The following SSUH2 variants were observed in gnomAD, a reference collection of about 807,000 sequenced individuals.
SSUH2 encodes ssu-2 homolog, also known as protein SSUH2 homolog.
A neutral mutation model predicts 55.3 loss-of-function variants in SSUH2; 47 were observed. The observed-to-expected ratio is 0.85, with a 90% CI of 0.67 to 1.08. The LOEUF (loss-of-function observed/expected upper bound fraction) is 1.08. Ranked by LOEUF, SSUH2 falls within the 50% of genes least tolerant of loss-of-function variation. The pLI is 0.00. For synonymous variants in SSUH2, 212 were observed against 191.5 expected (o/e 1.11, Z -0.89); for missense variants, 535 against 490.7 (o/e 1.09, Z -0.85).
Position 8,630,851 on chromosome 3 carries a change from T to C in SSUH2, c.479A>G (p.Gln160Arg). The C allele has an allele frequency of 1.3e-6, 2 of 1,508,014 alleles. No individual in the cohort carries two copies. Among genetic ancestry groups the C allele is most frequent in the Middle Eastern group, 1.7e-4 (1 of 5,724 alleles). The allele number at this position is 1,508,014 out of a possible 1,614,324, so 93.4% of individuals were successfully genotyped here. The change falls in exon 6 of 12, where the codon CAG becomes CGG. Residue 160 changes from glutamine (Q) to arginine (R), a missense_variant. Transcript: ENST00000544814. ...GACCTGGAACTTCCTGGTGTCTTCC[T>C]GAAACATCGGAGGACCTTGAACCTT... ...DIKVQGPPMFQEDTRKFQVPH... is the reference protein window; with the variant it reads ...DIKVQGPPMFREDTRKFQVPH...
intron 7 of SSUH2, among the ~76,000 whole-genome samples, chr3:8,655,746 A>G (rs1439773178): frequency 6.6e-6 from 1 of 152,244 alleles, no homozygotes; most frequent in Non-Finnish European, 1.5e-5. Context: ...TCCTTTGTTC[A>G]GAGCCAATCA....
In SSUH2 at chr3:8,677,119, C is replaced by A. The variant is rs531014494; in HGVS notation, c.-753+87G>T. ...CCCCATCGCAGCGGGGAGAGATACC[C>A]CCCGCGAGGCAGGGACTGAGAGCCA... is the stretch of plus-strand genomic sequence containing the variant. On this transcript the variant is annotated intron_variant, in intron 3 of 18. Transcript: ENST00000317371. The A allele has an allele frequency of 3.9e-3, 593 of 151,432 alleles. 22 individuals are homozygous for A. Among genetic ancestry groups the A allele is most frequent in the African/African-American group, 0.014 (559 of 41,036 alleles). The allele number at this position is 151,432 out of a possible 1,614,324, so 9.4% of individuals were successfully genotyped here. A position where few individuals can be genotyped will look rare whatever the true frequency, so the allele number is the denominator to read the frequency against.
chr3:8,631,915 G>C lies in SSUH2; in HGVS notation c.400+134C>G, dbSNP rs192721441. The C allele has an allele frequency of 4.3e-4, 285 of 664,194 alleles. 1 individual carries two copies. The East Asian group carries it at 7.2e-3, about 17-fold the overall frequency. The allele number at this position is 664,194 out of a possible 1,614,324, so 41.1% of individuals were successfully genotyped here. A position where few individuals can be genotyped will look rare whatever the true frequency, so the allele number is the denominator to read the frequency against. On this transcript the variant is annotated intron_variant, in intron 5 of 11. Transcript: ENST00000544814. ...GAAAGTCCATCCTCTCATTTTGCAG[G>C]GGGTAAGGAAGCCAAGGCTCCAAGC...
intron 1 of SSUH2, among the ~76,000 whole-genome samples, chr3:8,637,817 G>A (rs1347949730): frequency 6.6e-6 from 1 of 150,812 alleles, no homozygotes; most frequent in Non-Finnish European, 1.5e-5. Flanking sequence ...CAGCTGAACT[G>A]CCCCATCTCC....
At chr3:8,632,839 G>C (rs1699069170) in intron 4 of SSUH2, among the ~76,000 whole-genome samples, 1 of 152,238 alleles carries the variant, frequency 6.6e-6, no homozygotes, top group Non-Finnish European at 1.5e-5. Flanking sequence ...GGGGGAGGCA[G>C]AGGGAGCTGA....
At chr3:8,623,948 G>A (rs548445504) in intron 10 of SSUH2, among the ~76,000 whole-genome samples, 1 of 152,336 alleles carries the variant, frequency 6.6e-6, no homozygotes, top group East Asian at 1.9e-4. Context: ...GTCCCCGTCA[G>A]TGTGGACTCG....
In SSUH2 at chr3:8,658,495, C is replaced by T. The variant is rs565776354; in HGVS notation, c.-307+430G>A. ...TCCATTGGCGACTGGCTTGGGCCGC[C>T]AGGCTGGGTGGGGCAGGTGCGTAAA... On this transcript the variant is annotated intron_variant, in intron 7 of 18. Transcript: ENST00000317371. Among the ~76,000 whole-genome samples the T allele has an allele frequency of 1.1e-4, 16 of 152,332 alleles. No individual in the cohort carries two copies. The South Asian group carries it at 3.3e-3, about 32-fold the overall frequency.
At chr3:8,664,333 G>A (rs1703779684) in intron 5 of SSUH2, among the ~76,000 whole-genome samples, 1 of 152,244 alleles carries the variant, frequency 6.6e-6, no homozygotes, top group South Asian at 2.1e-4. Context: ...GGGCAGGAAT[G>A]CCATCGCCAT....
chr3:8,671,704 C>T lies in SSUH2; in HGVS notation c.-611+190G>A, dbSNP rs540593962. 8.5e-5 allele frequency among the ~76,000 whole-genome samples: 13 copies of T among 152,050 alleles called. No homozygotes were observed. The East Asian group carries it at 1.4e-3, about 16-fold the overall frequency. ...GTGTATACCCCGGTGACTTTAGTAGCGGCATGTTGCTAGAATATGGAAAAT... is the reference window on the plus strand; with the variant it reads ...GTGTATACCCCGGTGACTTTAGTAGTGGCATGTTGCTAGAATATGGAAAAT... On this transcript the variant is annotated intron_variant, in intron 4 of 18. Coordinates refer to the SSUH2 transcript ENST00000317371.
At chr3:8,633,950 G>C in intron 3 of SSUH2, 155 bp from the exon 4 acceptor site, 1 of 1,613,594 alleles carries the variant, frequency 6.2e-7, no homozygotes, top group Non-Finnish European at 8.5e-7. Context: ...TCCTGCAAAG[G>C]GGACCATGTG....
At chr3:8,672,506 AC>A (rs1242570538) in intron 3 of SSUH2, among the ~76,000 whole-genome samples, 1 of 152,088 alleles carries the variant, frequency 6.6e-6, no homozygotes, top group South Asian at 2.1e-4. Context: ...GAACAATATC[AC>A]AGACTGGATG....
At chr3:8,674,121 G>A (rs547387102) in intron 3 of SSUH2, among the ~76,000 whole-genome samples, 140 of 152,316 alleles carry the variant, frequency 9.2e-4, no homozygotes, top group East Asian at 1.9e-3. Flanking sequence ...GCAGTAAGCC[G>A]CGAGGAAAAG....
In SSUH2 at chr3:8,625,661, GGAT is replaced by G; in HGVS notation, c.768-17_768-15del. Reference sequence around the variant, plus strand: ...AAGCTGTTCTTCCTGGAGGGAAGGAGGATGAGGGATGAAAGCACACAGTGTGGC... The same window carrying G: ...AAGCTGTTCTTCCTGGAGGGAAGGAGGAGGGATGAAAGCACACAGTGTGGC... On this transcript the variant is annotated splice_polypyrimidine_tract_variant and intron_variant, in intron 9 of 11. Coordinates refer to ENST00000544814, the MANE Select transcript of SSUH2 (RefSeq NM_001256748.3). 6.4e-7 allele frequency: 1 copy of G among 1,558,594 alleles called. No homozygotes were observed. The highest frequency in any genetic ancestry group is 1.1e-5 in the South Asian group (1 of 89,956).
chr3:8,666,537 C>T (rs1343198031), intron 5 of SSUH2, among the ~76,000 whole-genome samples: 1 of 152,058 alleles, frequency 6.6e-6, no homozygotes, highest in Non-Finnish European at 1.5e-5. Context: ...CTGGAAGGTG[C>T]GTGTGTTGGG....
rs775112216 is a variant in SSUH2, at chr3:8,619,882, A to G, written c.1114T>C (p.Cys372Arg). ...GCCATGCTATGTCACACGATGGTAC[A>G]GCCACAGCAATACCGCTCAGGATAG... ...VDYPERYCCGCTIV is the reference protein window; with the variant it reads ...VDYPERYCCGRTIV The change falls in exon 12 of 12, where the codon TGT becomes CGT. Residue 372 changes from cysteine (C) to arginine (R), a missense_variant. Physicochemically the swap from Cys to Arg is radical, Grantham distance 180. Transcript: ENST00000544814. 6 of 1,613,744 alleles carry G rather than the reference A, an allele frequency of 3.7e-6. No homozygotes were observed. The East Asian group carries it at 1.1e-4, about 30-fold the overall frequency.
At chr3:8,669,089 G>A (rs1704269242) in intron 5 of SSUH2, among the ~76,000 whole-genome samples, 1 of 152,140 alleles carries the variant, frequency 6.6e-6, no homozygotes, top group Non-Finnish European at 1.5e-5. Flanking sequence ...TTGCTCCTTG[G>A]CTAGTCTCAG....
chr3:8,666,186 C>T (rs1703975967), intron 5 of SSUH2, among the ~76,000 whole-genome samples: 2 of 152,104 alleles, frequency 1.3e-5, no homozygotes, highest in Admixed American at 1.3e-4. Flanking sequence ...GAAGAAACTG[C>T]TTTTTACTTT....
chr3:8,636,079 G>C (rs1367080656), intron 1 of SSUH2, among the ~76,000 whole-genome samples: 4 of 152,198 alleles, frequency 2.6e-5, no homozygotes, highest in Non-Finnish European at 5.9e-5. Context: ...GCTCCTATTT[G>C]CTGGGTACCT....
intron 8 of SSUH2, chr3:8,626,978 T>C (rs1697721231): frequency 6.6e-6 from 1 of 152,174 alleles, no homozygotes; most frequent in South Asian, 2.1e-4. Context: ...CACTTGCAAA[T>C]GAAAGAAAAA....
Sources: allele counts gnomAD v4.1 joint callset (sites outside exome capture counted in the v4.1 genomes callset), GRCh38; gene constraint gnomAD v4.1.1; transcripts MANE v1.5; gene names NCBI Gene and HGNC (gene_info 2026-07-23, HGNC 2026-07-21).